CLEC2A: variants seen among roughly 807,000 people sequenced by gnomAD.
CLEC2A encodes the protein C-type lectin domain family 2 member A, also known as keratinocyte-associated C-type lectin.
Under a neutral mutation model 18.6 loss-of-function variants are expected in CLEC2A, and 19 were observed. The observed-to-expected ratio is 1.02, with a 90% CI of 0.71 to 1.50. The LOEUF (loss-of-function observed/expected upper bound fraction) is 1.50, where lower values mean the gene tolerates loss of function less well. CLEC2A is among the 40% of genes most tolerant of loss of function. The pLI is 0.00. For synonymous variants in CLEC2A, 74 were observed against 64.0 expected (o/e 1.16, Z -0.75); for missense variants, 190 against 207.9 (o/e 0.91, Z 0.53).
chr12:9,930,438 G>C (rs934586421), intron 1 of CLEC2A, among the ~76,000 whole-genome samples: 2 of 151,888 alleles, frequency 1.3e-5, no homozygotes, highest in African/African-American at 4.8e-5. Context: ...GTACTTTTTT[G>C]ATATTTTCTT....
chr12:9,886,209 C>A, the CLEC2A span, among the ~76,000 whole-genome samples: 3 of 151,928 alleles, frequency 2.0e-5, no homozygotes, highest in African/African-American at 7.3e-5. Context: ...GTAACAATTA[C>A]AATATGTGTG....
At chr12:9,922,455 A>G (rs1457026034) in intron 2 of CLEC2A, among the ~76,000 whole-genome samples, 1 of 152,194 alleles carries the variant, frequency 6.6e-6, no homozygotes, top group Non-Finnish European at 1.5e-5. Flanking sequence ...TTCTATTTTG[A>G]GAAATGGAAC....
At chr12:9,923,959 C>G (rs1326404093) in intron 2 of CLEC2A, among the ~76,000 whole-genome samples, 1 of 151,568 alleles carries the variant, frequency 6.6e-6, no homozygotes, top group Non-Finnish European at 1.5e-5. Context: ...GATAGCCCCC[C>G]TGTCGTGGGG....
chr12:9,908,112 A>T (rs1021010988), intron 4 of CLEC2A, among the ~76,000 whole-genome samples: 5 of 152,178 alleles, frequency 3.3e-5, no homozygotes, highest in African/African-American at 1.2e-4. Context: ...CCTCAAGCTT[A>T]TTCTGCCTTC....
chr12:9,887,291 T>A, the CLEC2A span, among the ~76,000 whole-genome samples: 1 of 151,942 alleles, frequency 6.6e-6, no homozygotes, highest in African/African-American at 2.4e-5. Context: ...ATTAGATAGA[T>A]AAAGATAGAT....
chr12:9,918,546 T>G (rs1322918436), intron 3 of CLEC2A, among the ~76,000 whole-genome samples: 3 of 152,244 alleles, frequency 2.0e-5, no homozygotes, highest in Non-Finnish European at 4.4e-5. Context: ...GCTCCTAGCT[T>G]TATTCTTTTT....
the CLEC2A span, chr12:9,893,460 A>C: frequency 1.3e-6 from 2 of 1,507,486 alleles, no homozygotes; most frequent in South Asian, 2.4e-5. Flanking sequence ...AAACCTGGAC[A>C]TTTTGGTTGG....
chr12:9,921,581 TG>T (rs1186701138), intron 3 of CLEC2A, among the ~76,000 whole-genome samples: 3 of 152,152 alleles, frequency 2.0e-5, no homozygotes, highest in Non-Finnish European at 4.4e-5. Flanking sequence ...AGTGAGACTC[TG>T]TCTTAAAAAC....
chr12:9,929,817 T>A (rs918636953), intron 1 of CLEC2A, among the ~76,000 whole-genome samples: 1 of 152,174 alleles, frequency 6.6e-6, no homozygotes, highest in Non-Finnish European at 1.5e-5. Flanking sequence ...AAAAATTAGC[T>A]ATTTCTTGAA....
intron 3 of CLEC2A, among the ~76,000 whole-genome samples, chr12:9,917,613 C>T (rs1265155545): frequency 6.6e-6 from 1 of 151,986 alleles, no homozygotes; most frequent in East Asian, 1.9e-4. Context: ...ACAAAAGAAT[C>T]ATAAGTCAAT....
At chr12:9,914,831 A>G (rs184223362) in intron 4 of CLEC2A, among the ~76,000 whole-genome samples, 12 of 152,032 alleles carry the variant, frequency 7.9e-5, no homozygotes, top group African/African-American at 2.9e-4. Context: ...AAAACGTCAA[A>G]AGCAACAAAA....
rs565171648 is a variant in CLEC2A at position 9,927,495 on chromosome 12, A to G, written c.56-1152T>C. ...TATATGTATGCATGCCTATATGCAT[A>G]TATATGCTTTATATGTATGTATATA... On this transcript the variant is annotated intron_variant, in intron 1 of 4. Coordinates refer to ENST00000455827, the MANE Select transcript of CLEC2A (RefSeq NM_001130711.2). Among the ~76,000 whole-genome samples the G allele has an allele frequency of 3.3e-5, 5 of 152,296 alleles. No homozygotes were observed. The East Asian group carries it at 9.6e-4, about 29-fold the overall frequency.
At chr12:9,890,275 T>C in the CLEC2A span, among the ~76,000 whole-genome samples, 1 of 152,224 alleles carries the variant, frequency 6.6e-6, no homozygotes, top group Non-Finnish European at 1.5e-5. Context: ...TTTTACAACA[T>C]ATACTTGTTA....
chr12:9,893,530 A>C, the CLEC2A span: 1 of 1,457,854 alleles, frequency 6.9e-7, no homozygotes, highest in East Asian at 2.5e-5. Flanking sequence ...AACACTTTTT[A>C]GTTCCAGAAT....
the CLEC2A span, among the ~76,000 whole-genome samples, chr12:9,879,149 G>GAAAAA: frequency 2.0e-5 from 3 of 149,314 alleles, no homozygotes; most frequent in South Asian, 4.3e-4. Flanking sequence ...TTTGGGAAAT[G>GAAAAA]AAAAAAAAAG....
chr12:9,889,450 T>C, the CLEC2A span, among the ~76,000 whole-genome samples: 7 of 152,252 alleles, frequency 4.6e-5, no homozygotes, highest in East Asian at 1.4e-3. Context: ...ATCCAATCAA[T>C]TGAAAGTCTT....
chr12:9,898,168 A>C (rs908633698), downstream of CLEC2A, among the ~76,000 whole-genome samples: 13 of 152,228 alleles, frequency 8.5e-5, no homozygotes, highest in Non-Finnish European at 1.6e-4. Context: ...TTCTATATAA[A>C]GTTTACTTTT....
chr12:9,918,980 T>C (rs1370970168), intron 3 of CLEC2A, among the ~76,000 whole-genome samples: 1 of 152,170 alleles, frequency 6.6e-6, no homozygotes, highest in Non-Finnish European at 1.5e-5. Flanking sequence ...GTGTTGAAGA[T>C]TTGAGGTGTG....
Position 9,926,545 on chromosome 12 carries a change from C to T in CLEC2A, c.56-202G>A, listed in dbSNP as rs73247987. On this transcript the variant is annotated intron_variant, in intron 1 of 4. Transcript: ENST00000455827. The stretch of plus-strand genomic sequence containing the variant: ...AAATGATTGCTATAGCTGTTCGGCT[C>T]GAGAGAGTGGTGAGTGGAGAAATCA... Among the ~76,000 whole-genome samples the T allele has an allele frequency of 7.1e-3, 1,083 of 151,940 alleles. 20 individuals carry two copies. Among genetic ancestry groups the T allele is most frequent in the African/African-American group, 0.026 (1,058 of 41,392 alleles).
Sources: allele counts gnomAD v4.1 joint callset (sites outside exome capture counted in the v4.1 genomes callset), GRCh38; gene constraint gnomAD v4.1.1; transcripts MANE v1.5; gene names NCBI Gene and HGNC (gene_info 2026-07-23, HGNC 2026-07-21).